The following PSEN1 variants were observed in gnomAD, a reference collection of about 807,000 sequenced individuals.
PSEN1 encodes presenilin-1.
PSEN1 carries 15 observed loss-of-function variants against 53.5 expected under a neutral mutation model. The observed-to-expected ratio is 0.28, with a 90% CI of 0.19 to 0.43. The LOEUF is 0.43. Among genes scored for constraint, PSEN1 ranks in the 20% least tolerant of loss-of-function variants. PSEN1 has a pLI of 1.00. For missense variants in PSEN1, 387 were observed against 571.2 expected, an observed-to-expected ratio of 0.68 and a Z score of 3.29; for synonymous variants, 208 against 209.8, an observed-to-expected ratio of 0.99 and a Z score of 0.08.
At chr14:73,199,149 T>G (rs995055830) in intron 8 of PSEN1, among the ~76,000 whole-genome samples, 3 of 152,242 alleles carry the variant, frequency 2.0e-5, no homozygotes, top group Non-Finnish European at 1.5e-5. Flanking sequence ...TGACAGTACC[T>G]GTGGGTCACT....
Position 73,173,578 on chromosome 14 carries a change from A to T in PSEN1, c.351A>T (p.Pro117=), listed in dbSNP as rs904835750. The change falls in exon 5 of 12, where the codon CCA becomes CCT. Residue 117 remains proline, a synonymous_variant. Transcript: ENST00000324501. ...TGTTTTATTGTAGAATCTATACCCC[A>T]TTCACAGAAGATACCGAGACTGTGG... is the stretch of plus-strand genomic sequence containing the variant. ...TRKDGQLIYT[P]FTEDTETVGQ... is the part of the protein sequence containing the mutation. The T allele has an allele frequency of 1.2e-6, 2 of 1,614,024 alleles. No individual in the cohort carries two copies. Among genetic ancestry groups the T allele is most frequent in the African/African-American group, 2.7e-5 (2 of 74,928 alleles).
chr14:73,174,526 G>A (rs750774944), intron 5 of PSEN1, among the ~76,000 whole-genome samples: 10 of 152,282 alleles, frequency 6.6e-5, no homozygotes, highest in Non-Finnish European at 8.8e-5. Flanking sequence ...GAGCCACTGC[G>A]CCCGGCCCTA....
intron 7 of PSEN1, among the ~76,000 whole-genome samples, chr14:73,193,314 A>G (rs1426068142): frequency 6.6e-6 from 1 of 151,958 alleles, no homozygotes; most frequent in Non-Finnish European, 1.5e-5. Context: ...TGTCTCAAAA[A>G]AAATTTGGTT....
chr14:73,192,906 C>T, intron 7 of PSEN1, 42 bp downstream of exon 7: 1 of 1,450,240 alleles, frequency 6.9e-7, no homozygotes, highest in Non-Finnish European at 9.7e-7. Flanking sequence ...CAGGAATGCC[C>T]CACTGGAGTG....
intron 1 of PSEN1, among the ~76,000 whole-genome samples, chr14:73,145,293 G>A (rs1897037621): frequency 6.6e-6 from 1 of 152,068 alleles, no homozygotes; most frequent in South Asian, 2.1e-4. Flanking sequence ...GATTATATGA[G>A]AGTTCTATGG....
In PSEN1 at chr14:73,192,910, T is replaced by G. The variant is rs561962337; in HGVS notation, c.769+46T>G. 11 of 1,430,532 alleles carry G rather than the reference T, an allele frequency of 7.7e-6. 1 individual carries two copies. The African/African-American group carries it at 1.4e-4, about 18-fold the overall frequency. The allele number at this position is 1,430,532 out of a possible 1,614,324, so 88.6% of individuals were successfully genotyped here. A position where few individuals can be genotyped will look rare whatever the true frequency, so the allele number is the denominator to read the frequency against. On this transcript the variant is annotated intron_variant, in intron 7 of 11. Coordinates refer to ENST00000324501, the MANE Select transcript of PSEN1 (RefSeq NM_000021.4). ...TTTGTTTGTCACAGGAATGCCCCACTGGAGTGTTTTCTTTCCTCATCTCTT... is the reference window on the plus strand; with the variant it reads ...TTTGTTTGTCACAGGAATGCCCCACGGGAGTGTTTTCTTTCCTCATCTCTT...
At chr14:73,172,302 T>A (rs974861741) in intron 4 of PSEN1, among the ~76,000 whole-genome samples, 1 of 152,222 alleles carries the variant, frequency 6.6e-6, no homozygotes, top group Admixed American at 6.5e-5. Flanking sequence ...TCTGAAAAAC[T>A]ACATGGTGTT....
intron 3 of PSEN1, among the ~76,000 whole-genome samples, chr14:73,151,379 T>A: frequency 6.6e-6 from 1 of 152,164 alleles, no homozygotes; most frequent in Non-Finnish European, 1.5e-5. Context: ...GATATATGGA[T>A]CTTAGAACTA....
intron 3 of PSEN1, among the ~76,000 whole-genome samples, chr14:73,153,750 T>G (rs1415946179): frequency 6.6e-6 from 1 of 150,446 alleles, no homozygotes; most frequent in African/African-American, 2.5e-5. Flanking sequence ...CCTCCCTCTG[T>G]CGCCCAGGCT....
At chr14:73,201,458 A>C (rs1899186812) in intron 8 of PSEN1, among the ~76,000 whole-genome samples, 1 of 152,236 alleles carries the variant, frequency 6.6e-6, no homozygotes, top group African/African-American at 2.4e-5. Context: ...TTGCTGTCTA[A>C]GATGTCATTA....
At chr14:73,158,440 C>T (rs955332720) in intron 3 of PSEN1, among the ~76,000 whole-genome samples, 22 of 152,030 alleles carry the variant, frequency 1.4e-4, no homozygotes, top group Non-Finnish European at 2.2e-4. Flanking sequence ...ATTCTCCTGT[C>T]CCAGCCTCCC....
chr14:73,203,701 C>G (rs567524016), intron 8 of PSEN1, among the ~76,000 whole-genome samples: 1 of 152,036 alleles, frequency 6.6e-6, no homozygotes, highest in African/African-American at 2.4e-5. Context: ...AAATATACAC[C>G]TACTCTTTGA....
At chr14:73,174,768 T>G (rs1897996701) in intron 5 of PSEN1, among the ~76,000 whole-genome samples, 1 of 152,166 alleles carries the variant, frequency 6.6e-6, no homozygotes. Flanking sequence ...CCACCATGCA[T>G]CCTCTCACCA....
At chr14:73,191,998 TATG>T (rs1279678218) in intron 6 of PSEN1, among the ~76,000 whole-genome samples, 1 of 152,204 alleles carries the variant, frequency 6.6e-6, no homozygotes, top group Admixed American at 6.5e-5. Context: ...TTAGGTATGA[TATG>T]ATCTTTTTTC....
chr14:73,212,030 T>C, intron 10 of PSEN1, 88 bp downstream of exon 10: 2 of 1,167,276 alleles, frequency 1.7e-6, no homozygotes, highest in Non-Finnish European at 2.5e-6. Flanking sequence ...GAATTGAGAG[T>C]GTTACAGTCT....
chr14:73,155,670 A>AT (rs1318283416), intron 3 of PSEN1, among the ~76,000 whole-genome samples: 4 of 151,174 alleles, frequency 2.6e-5, no homozygotes, highest in Admixed American at 6.6e-5. Context: ...TGCCTGGCTA[A>AT]TTTTTTTTGC....
rs1042864 is a variant in PSEN1, at chr14:73,192,710, T to C, written c.615T>C (p.Phe205=). 3.1e-6 allele frequency: 5 copies of C among 1,614,170 alleles called. No individual in the cohort carries two copies. The South Asian group carries it at 5.5e-5, about 18-fold the overall frequency. ...YITVALLIWN[F]GVVGMISIHW... The stretch of plus-strand genomic sequence containing the variant: ...CTGTTGCACTCCTGATCTGGAATTT[T>C]GGTGTGGTGGGAATGATTTCCATTC... The change falls in exon 7 of 12, where the codon TTT becomes TTC. Residue 205 remains phenylalanine, a synonymous_variant. Transcript: ENST00000324501.
intron 5 of PSEN1, among the ~76,000 whole-genome samples, chr14:73,186,638 G>A (rs866023144): frequency 5.9e-5 from 9 of 152,106 alleles, no homozygotes; most frequent in African/African-American, 1.9e-4. Context: ...TTAGCCTAGC[G>A]TGGTGGCGCG....
In PSEN1 at chr14:73,190,460, G is replaced by T. The variant is rs143891048; in HGVS notation, c.549-2184G>T. ...ACTGTGGTTGTGCCCTCTATCCAGG[G>T]TGACAGTCAGACCTTGTCTCTATTT... On this transcript the variant is annotated intron_variant, in intron 6 of 11. Coordinates refer to ENST00000324501, the MANE Select transcript of PSEN1 (RefSeq NM_000021.4). 3.1e-3 allele frequency among the ~76,000 whole-genome samples: 469 copies of T among 149,928 alleles called. 2 individuals carry two copies. The highest frequency in any genetic ancestry group is 8.7e-3 in the African/African-American group (354 of 40,644).
Sources: gnomAD v4.1 joint callset for allele counts (sites outside exome capture counted in the v4.1 genomes callset) on GRCh38, gnomAD v4.1.1 for gene constraint, MANE v1.5 for transcripts, NCBI Gene and HGNC (gene_info 2026-07-23, HGNC 2026-07-21) for gene names.